Variants in OCA2 observed in about 807,000 individuals in gnomAD.
OCA2 encodes OCA2 melanosomal transmembrane protein.
In OCA2, 77 loss-of-function variants were observed where a neutral mutation model predicts 100.2. That is an observed-to-expected ratio of 0.77 (90% CI 0.64 to 0.93). The LOEUF (loss-of-function observed/expected upper bound fraction) is 0.93, where lower values mean the gene tolerates loss of function less well. Among genes scored for constraint, OCA2 ranks in the 40% least tolerant of loss-of-function variants. The probability of loss-of-function intolerance (pLI) is 0.00; values close to 1 mark genes in which losing one functional copy is unlikely to be tolerated. For synonymous variants in OCA2, 432 were observed against 439.2 expected (o/e 0.98, Z 0.21); for missense variants, 1,062 against 1,089.1 (o/e 0.98, Z 0.35).
In OCA2 at chr15:27,805,771, C is replaced by T. The variant is rs181003226; in HGVS notation, c.2432+39188G>A. On this transcript the variant is annotated intron_variant, in intron 23 of 23. Transcript: ENST00000354638. ...TGCCTGGAGAAGACCCTCCGCGCCCCCCACATCCAGGTGGTAATGGAGGCT... is the reference window on the plus strand; with the variant it reads ...TGCCTGGAGAAGACCCTCCGCGCCCTCCACATCCAGGTGGTAATGGAGGCT... Among the ~76,000 whole-genome samples the T allele has an allele frequency of 3.7e-3, 561 of 152,202 alleles. 4 individuals are homozygous for T. Among genetic ancestry groups the T allele is most frequent in the African/African-American group, 0.013 (542 of 41,540 alleles).
intron 14 of OCA2, among the ~76,000 whole-genome samples, chr15:27,970,853 A>G (rs1318338846): frequency 1.3e-5 from 2 of 150,510 alleles, no homozygotes; most frequent in African/African-American, 4.9e-5. Flanking sequence ...ACGTCCCTGC[A>G]CACATGGGAT....
chr15:27,909,360 C>T (rs921279194), intron 19 of OCA2, among the ~76,000 whole-genome samples: 3 of 151,962 alleles, frequency 2.0e-5, no homozygotes, highest in Admixed American at 6.6e-5. Context: ...CAATCTTGAT[C>T]AAAAATGTCA....
chr15:27,825,296 C>T lies in OCA2; in HGVS notation c.2432+19663G>A, dbSNP rs74005238. Reference sequence around the variant, plus strand: ...GTGCTGCTGTGTGCCCAAGCCCACGCGTCAGGAAGCACACGTAGACACAGT... The same window carrying T: ...GTGCTGCTGTGTGCCCAAGCCCACGTGTCAGGAAGCACACGTAGACACAGT... On this transcript the variant is annotated intron_variant, in intron 23 of 23. Transcript: ENST00000354638. Among the ~76,000 whole-genome samples, 402 of 152,290 alleles carry T rather than the reference C, an allele frequency of 2.6e-3. 4 individuals are homozygous for T. Among genetic ancestry groups the T allele is most frequent in the African/African-American group, 9.5e-3 (395 of 41,570 alleles).
intron 19 of OCA2, among the ~76,000 whole-genome samples, chr15:27,903,694 C>T (rs2038056907): frequency 1.3e-5 from 2 of 152,184 alleles, no homozygotes; most frequent in Admixed American, 1.3e-4. Context: ...TTAGTGATGG[C>T]TTCAAGGCCT....
intron 19 of OCA2, among the ~76,000 whole-genome samples, chr15:27,906,424 G>C (rs1423633067): frequency 6.6e-6 from 1 of 151,950 alleles, no homozygotes; most frequent in African/African-American, 2.4e-5. Context: ...AGATATCAAA[G>C]CAAGTAAGAG....
chr15:27,916,977 T>C (rs1432338479), intron 19 of OCA2, among the ~76,000 whole-genome samples: 1 of 152,090 alleles, frequency 6.6e-6, no homozygotes, highest in South Asian at 2.1e-4. Flanking sequence ...AGATAGCAGA[T>C]GCAAAACGAG....
rs576205616 is a variant in OCA2 at position 27,895,355 on chromosome 15, G to A, written c.2080-23433C>T. Among the ~76,000 whole-genome samples the A allele has an allele frequency of 2.7e-3, 408 of 152,318 alleles. 2 individuals carry two copies. Among genetic ancestry groups the A allele is most frequent in the African/African-American group, 9.5e-3 (394 of 41,572 alleles). ...TGTGGAAGCAACTTTGGAACCGGGT[G>A]ACAGGCAGAGGTTGGAACAGTTTGG... On this transcript the variant is annotated intron_variant, in intron 19 of 23. Transcript: ENST00000354638.
intron 2 of OCA2, among the ~76,000 whole-genome samples, chr15:28,069,389 TCCCC>T (rs1566862447): frequency 1.8e-4 from 1 of 5,646 alleles, no homozygotes; most frequent in Non-Finnish European, 2.7e-4. Flanking sequence ...TCCCTCCCCC[TCCCC>T]CTCCCCCTCC....
chr15:27,946,390 T>C (rs1310642744), intron 18 of OCA2, among the ~76,000 whole-genome samples: 1 of 152,206 alleles, frequency 6.6e-6, no homozygotes, highest in African/African-American at 2.4e-5. Flanking sequence ...TGGCTGAGTG[T>C]CAGCCAATCC....
At chr15:27,900,395 A>G (rs1471324125) in intron 19 of OCA2, among the ~76,000 whole-genome samples, 1 of 152,042 alleles carries the variant, frequency 6.6e-6, no homozygotes, top group Non-Finnish European at 1.5e-5. Context: ...GAGCCTCCCT[A>G]GTGCTGGTCT....
At position 27,871,888 on chromosome 15, in the gene OCA2, C is replaced by T. The variant is rs189633442; in HGVS notation, c.2114G>A (p.Gly705Glu). The T allele has an allele frequency of 6.2e-7, 1 of 1,610,028 alleles. No individual in the cohort carries two copies. The highest frequency in any genetic ancestry group is 2.2e-5 in the East Asian group (1 of 44,832). Residue 705 changes from glycine (G) to glutamate (E), a missense_variant, in exon 20 of 24, where the codon GGA (glycine) becomes GAA (glutamate). Gly to Glu is a moderately conservative substitution (Grantham distance 98). Transcript: ENST00000354638. ...CTTTATTAGCAAAGCAGTTTGTTCT[C>T]CAACATATTCTATTAAGTGGAGATG... is the stretch of plus-strand genomic sequence containing the variant. ...LAHLHLIEYV[G>E]EQTALLIKMV...
At chr15:27,738,123 T>C in the OCA2 span, among the ~76,000 whole-genome samples, 1 of 152,148 alleles carries the variant, frequency 6.6e-6, no homozygotes, top group East Asian at 1.9e-4. Context: ...GAACCTTTGC[T>C]CACTCTAGGG....
At chr15:27,968,628 T>A (rs1362488298) in intron 14 of OCA2, among the ~76,000 whole-genome samples, 1 of 152,240 alleles carries the variant, frequency 6.6e-6, no homozygotes, top group Non-Finnish European at 1.5e-5. Flanking sequence ...GAGGCCATTA[T>A]CAATGAAGTT....
At chr15:27,906,050 G>T (rs1273850103) in intron 19 of OCA2, among the ~76,000 whole-genome samples, 1 of 152,108 alleles carries the variant, frequency 6.6e-6, no homozygotes, top group Non-Finnish European at 1.5e-5. Flanking sequence ...CAGAAATAAG[G>T]GGTTGTTTAA....
chr15:27,896,829 A>G (rs780090136), intron 19 of OCA2, among the ~76,000 whole-genome samples: 3 of 152,230 alleles, frequency 2.0e-5, no homozygotes, highest in Non-Finnish European at 4.4e-5. Flanking sequence ...AGAAATTTGC[A>G]TAAGTAATGA....
chr15:27,898,997 A>G (rs979526973), intron 19 of OCA2, among the ~76,000 whole-genome samples: 4 of 152,236 alleles, frequency 2.6e-5, no homozygotes, highest in African/African-American at 9.6e-5. Flanking sequence ...AGGAAACTAT[A>G]GATCAATATA....
At position 27,983,361 on chromosome 15, in the gene OCA2, T is replaced by C. The variant is rs2041230944; in HGVS notation, c.1487A>G (p.Gln496Arg). 1 of 1,614,090 alleles carries C rather than the reference T, an allele frequency of 6.2e-7. No individual in the cohort carries two copies. Among genetic ancestry groups the C allele is most frequent in the South Asian group, 1.1e-5 (1 of 91,088 alleles). Reference protein sequence around the residue: ...DPPNVIIVSNQELRKMGLDFA... With the variant: ...DPPNVIIVSNRELRKMGLDFA... ...GGTACGTACCATCTTCCTCAGCTCT[T>C]GGTTGGAAACAATAATGACATTTGG... is the stretch of plus-strand genomic sequence containing the variant. Residue 496 changes from glutamine to arginine, a missense_variant, in exon 14 of 24, where the codon CAA becomes CGA. Coordinates refer to ENST00000354638, the MANE Select transcript of OCA2 (RefSeq NM_000275.3).
At chr15:27,829,301 A>ATAGATAGATAGT (rs1555412968) in intron 23 of OCA2, among the ~76,000 whole-genome samples, 12,023 of 151,138 alleles carry the variant, frequency 0.08, 581 homozygotes, top group Middle Eastern at 0.1. Flanking sequence ...AGATAGATAG[A>ATAGATAGATAGT]TAGATAGATA....
intron 23 of OCA2, among the ~76,000 whole-genome samples, chr15:27,803,783 T>G (rs1478341388): frequency 6.6e-6 from 1 of 152,224 alleles, no homozygotes; most frequent in Non-Finnish European, 1.5e-5. Context: ...TGAGATAGCA[T>G]TCACACTCAC....
Sources: allele counts gnomAD v4.1 joint callset (sites outside exome capture counted in the v4.1 genomes callset), GRCh38; gene constraint gnomAD v4.1.1; transcripts MANE v1.5; gene names NCBI Gene and HGNC (gene_info 2026-07-23, HGNC 2026-07-21).